The following FRMD8 variants were observed in gnomAD, a reference collection of about 807,000 sequenced individuals.
The protein encoded by FRMD8 is FERM domain-containing protein 8.
In FRMD8, 37 loss-of-function variants were observed where a neutral mutation model predicts 54.2. The ratio of observed to expected loss-of-function variants is 0.68; its 90% CI spans 0.53 to 0.90. FRMD8 has a LOEUF of 0.90. Among genes scored for constraint, FRMD8 ranks in the 40% least tolerant of loss-of-function variants. FRMD8 has a pLI of 0.00. For missense variants in FRMD8, 585 were observed against 653.7 expected (o/e 0.89, Z 1.15); for synonymous variants, 246 against 286.9 (o/e 0.86, Z 1.44).
At chr11:65,374,232 C>T in the FRMD8 span, among the ~76,000 whole-genome samples, 2 of 142,916 alleles carry the variant, frequency 1.4e-5, no homozygotes, top group African/African-American at 2.6e-5. Flanking sequence ...GAGCACGTGA[C>T]GTAGTATGGT....
At chr11:65,379,193 C>T in the FRMD8 span, 2 of 667,918 alleles carry the variant, frequency 3.0e-6, no homozygotes, top group East Asian at 2.9e-5. Context: ...CCTTTTGCCC[C>T]CTCTGTTCCC....
intron 6 of FRMD8, among the ~76,000 whole-genome samples, chr11:65,395,384 A>G (rs771455671): frequency 2.6e-5 from 4 of 152,030 alleles, no homozygotes; most frequent in Admixed American, 6.6e-5. Context: ...TACTAAAAAT[A>G]CAAAATTATC....
intron 9 of FRMD8, among the ~76,000 whole-genome samples, chr11:65,401,524 G>A (rs898895308): frequency 3.2e-4 from 47 of 149,098 alleles, no homozygotes; most frequent in Non-Finnish European, 5.3e-4. Flanking sequence ...ACACCTCTCC[G>A]GCTTCCTTTT....
At chr11:65,401,656 T>C (rs1417173618) in intron 9 of FRMD8, among the ~76,000 whole-genome samples, 1 of 140,486 alleles carries the variant, frequency 7.1e-6, no homozygotes, top group African/African-American at 2.7e-5. Context: ...CTTCTCAGCT[T>C]AACTACATGC....
At chr11:65,380,777 C>T in the FRMD8 span, 1 of 352,596 alleles carries the variant, frequency 2.8e-6, no homozygotes, top group Admixed American at 3.9e-5. Context: ...TCAGAACGTC[C>T]CTCTCTTTCT....
At chr11:65,387,391 G>T in intron 2 of FRMD8, 1 of 616,426 alleles carries the variant, frequency 1.6e-6, no homozygotes, top group Admixed American at 2.7e-5. Flanking sequence ...AGTGAAGGCT[G>T]ATGTGGTTCA....
chr11:65,376,109 A>C, the FRMD8 span: 1 of 454,746 alleles, frequency 2.2e-6, no homozygotes, highest in Non-Finnish European at 4.0e-6. Flanking sequence ...AAGGCACAGG[A>C]CAGGAGCTGG....
chr11:65,380,411 T>C, the FRMD8 span: 1,050 of 935,982 alleles, frequency 1.1e-3, 13 homozygotes, highest in South Asian at 5.0e-3. Flanking sequence ...AGGCCCCACC[T>C]GAGGATGCAC....
At chr11:65,379,542 C>T in the FRMD8 span, 8,695 of 1,610,106 alleles carry the variant, frequency 5.4e-3, 37 homozygotes, top group Non-Finnish European at 6.7e-3. Flanking sequence ...GAAGCTCATT[C>T]CCTTGAAGAA....
At chr11:65,379,012 C>G in the FRMD8 span, 1 of 285,094 alleles carries the variant, frequency 3.5e-6, no homozygotes, top group Non-Finnish European at 6.8e-6. Context: ...GCTCACAGCT[C>G]TGCGGGGTGC....
In FRMD8 at chr11:65,413,248, A is replaced by C. The variant is rs1045274593; in HGVS notation, c.*1888A>C. Reference sequence around the variant, plus strand: ...ATGATCTGCCCGCCTCAACCTCCCAAAGTGCTGGGATTATAGGCGTGAGCC... The same window carrying C: ...ATGATCTGCCCGCCTCAACCTCCCACAGTGCTGGGATTATAGGCGTGAGCC... On this transcript the variant is annotated 3_prime_UTR_variant, in exon 11 of 11. Transcript: ENST00000317568. 3.3e-5 allele frequency: 5 copies of C among 152,066 alleles called. No homozygotes were observed. The highest frequency in any genetic ancestry group is 1.2e-4 in the African/African-American group (5 of 41,378). The allele number at this position is 152,066 out of a possible 1,614,324, so 9.4% of individuals were successfully genotyped here.
chr11:65,376,435 T>G, the FRMD8 span: 4 of 1,614,078 alleles, frequency 2.5e-6, no homozygotes, highest in Non-Finnish European at 3.4e-6. Flanking sequence ...GAGATATTCG[T>G]AGCTGAGGAA....
At position 65,411,481 on chromosome 11, in the gene FRMD8, A is replaced by G; in HGVS notation, c.*121A>G. On this transcript the variant is annotated 3_prime_UTR_variant, in exon 11 of 11. Transcript: ENST00000317568. ...ACCACGTGGGGAGGGCTGCCTCAGC[A>G]GGTTTCTCAGACCACGGAGAAGTGA... 1.6e-6 allele frequency: 1 copy of G among 632,354 alleles called. No homozygotes were observed. Among genetic ancestry groups the G allele is most frequent in the East Asian group, 3.1e-5 (1 of 32,004 alleles). The allele number at this position is 632,354 out of a possible 1,614,324, so 39.2% of individuals were successfully genotyped here. A position where few individuals can be genotyped will look rare whatever the true frequency, so the allele number is the denominator to read the frequency against.
chr11:65,402,396 T>C (rs531909227), intron 9 of FRMD8, among the ~76,000 whole-genome samples: 7 of 152,298 alleles, frequency 4.6e-5, no homozygotes, highest in African/African-American at 1.4e-4. Context: ...CTGACATCTT[T>C]GTTGAAAATC....
Position 65,389,603 on chromosome 11 carries a change from G to A in FRMD8, c.253+75G>A, listed in dbSNP as rs76552684. 5.9e-3 allele frequency: 8,437 copies of A among 1,437,420 alleles called. 463 individuals carry two copies. The African/African-American group carries it at 0.11, about 18-fold the overall frequency. The allele number at this position is 1,437,420 out of a possible 1,614,324, so 89.0% of individuals were successfully genotyped here. On this transcript the variant is annotated intron_variant, in intron 3 of 10. Transcript: ENST00000317568. ...ACCAGTACAGGAGGGAGGGGGCAGT[G>A]TTTGGAGCCGCTGGGGAGCCGCTGG...
rs1856164945 is a variant in FRMD8 at position 65,405,041 on chromosome 11, C to G, written c.1249C>G (p.Leu417Val). 1 of 1,613,426 alleles carries G rather than the reference C, an allele frequency of 6.2e-7. No homozygotes were observed. The highest frequency in any genetic ancestry group is 1.7e-5 in the Admixed American group (1 of 60,012). ...TGTGGTGTCCAGCCGGATCCAGCATCTCTCCACCATCGACTACGTGGAGGA... is the reference window on the plus strand; with the variant it reads ...TGTGGTGTCCAGCCGGATCCAGCATGTCTCCACCATCGACTACGTGGAGGA... ...GSVVSSRIQH[L>V]STIDYVEDGK... Residue 417 changes from leucine to valine, a missense_variant, in exon 10 of 11, where the codon CTC becomes GTC. Leu to Val is a conservative substitution (Grantham distance 32, BLOSUM62 1). Transcript: ENST00000317568.
chr11:65,382,433 C>A (rs1855623317), upstream of FRMD8: 1 of 188,300 alleles, frequency 5.3e-6, no homozygotes, highest in Non-Finnish European at 1.1e-5. The surrounding 1 kb of genome is among the most constrained non-coding windows in gnomAD (Gnocchi z 4.4). Context: ...GCCCAGCCCG[C>A]ATTTGCCGCT....
At position 65,400,600 on chromosome 11, in the gene FRMD8, C is replaced by T; in HGVS notation, c.928-124C>T. ...CTGAGGCTCTCTCCTTACAGAAACACATGAACAAATGTAGACTCAGCCTTG... is the reference window on the plus strand; with the variant it reads ...CTGAGGCTCTCTCCTTACAGAAACATATGAACAAATGTAGACTCAGCCTTG... On this transcript the variant is annotated intron_variant, in intron 8 of 10. Coordinates refer to ENST00000317568, the MANE Select transcript of FRMD8 (RefSeq NM_031904.5). The surrounding 1 kb of genome is among the most constrained non-coding windows in gnomAD (Gnocchi z 4.3). 1.0e-6 allele frequency: 1 copy of T among 984,838 alleles called. No individual in the cohort carries two copies. The highest frequency in any genetic ancestry group is 1.4e-6 in the Non-Finnish European group (1 of 702,530). 61.0% of individuals were successfully genotyped at this position (984,838 alleles called of 1,614,324 possible).
intron 9 of FRMD8, among the ~76,000 whole-genome samples, chr11:65,403,549 C>T (rs1418359671): frequency 6.6e-6 from 1 of 152,180 alleles, no homozygotes; most frequent in Non-Finnish European, 1.5e-5. Flanking sequence ...TCTCACTTTC[C>T]AATCTGTGTG....
Sources: allele counts gnomAD v4.1 joint callset (sites outside exome capture counted in the v4.1 genomes callset), GRCh38; gene constraint gnomAD v4.1.1; non-coding constraint Gnocchi (gnomAD v3.1); transcripts MANE v1.5; gene names NCBI Gene and HGNC (gene_info 2026-07-23, HGNC 2026-07-21).